The following SDK1 variants were observed in gnomAD, a reference collection of about 807,000 sequenced individuals.
The protein encoded by SDK1 is protein sidekick-1.
A neutral mutation model predicts 245.5 loss-of-function variants in SDK1; 157 were observed. That is an observed-to-expected ratio of 0.64 (90% CI 0.56 to 0.73). SDK1 has a LOEUF of 0.73. SDK1 is among the 30% of genes least tolerant of loss of function. The pLI is 0.00. For synonymous variants in SDK1, 1,647 were observed against 1,278.5 expected (o/e 1.29, Z -6.15); for missense variants, 3,583 against 3,002.3 (o/e 1.19, Z -4.52).
At chr7:3,717,350 G>T (rs1221378730) in intron 4 of SDK1, among the ~76,000 whole-genome samples, 1 of 152,102 alleles carries the variant, frequency 6.6e-6, no homozygotes, top group Non-Finnish European at 1.5e-5. Flanking sequence ...ATGTGTCAAA[G>T]AAAGTATCTT....
Position 4,210,089 on chromosome 7 carries a change from G to C in SDK1, c.5466G>C (p.Trp1822Cys). 1 of 1,610,712 alleles carries C rather than the reference G, an allele frequency of 6.2e-7. No homozygotes were observed. Among genetic ancestry groups the C allele is most frequent in the Non-Finnish European group, 8.5e-7 (1 of 1,178,736 alleles). Residue 1822 changes from tryptophan (W) to cysteine (C), a missense_variant, in exon 38 of 45, where the codon TGG becomes TGC. Transcript: ENST00000404826. ...EITSTTLNVS[W>C]GEPAAANGIL... is the part of the protein sequence containing the mutation. ...CCTCCACCACGCTCAACGTGTCCTG[G>C]GGCGAGCCTGCGGCGGCCAACGGCA... is the stretch of plus-strand genomic sequence containing the variant.
chr7:3,595,564 C>T (rs1323548044), intron 1 of SDK1, among the ~76,000 whole-genome samples: 3 of 151,890 alleles, frequency 2.0e-5, no homozygotes, highest in Non-Finnish European at 4.4e-5. Flanking sequence ...AGTTATAATT[C>T]TATTCATTTT....
At chr7:3,531,042 T>C (rs1012029823) in intron 1 of SDK1, among the ~76,000 whole-genome samples, 22 of 152,338 alleles carry the variant, frequency 1.4e-4, no homozygotes, top group African/African-American at 5.3e-4. Flanking sequence ...TCACTATAAC[T>C]CTGCTTCATA....
At chr7:4,113,559 A>G (rs1584178716) in intron 24 of SDK1, 120 bp downstream of exon 24, 1 of 1,072,308 alleles carries the variant, frequency 9.3e-7, no homozygotes, top group East Asian at 2.5e-5. Flanking sequence ...AACTAATCTC[A>G]TCGTCAAACC....
At chr7:4,260,163 T>G (rs1234717706) in intron 44 of SDK1, among the ~76,000 whole-genome samples, 1 of 146,390 alleles carries the variant, frequency 6.8e-6, no homozygotes, top group Non-Finnish European at 1.5e-5. Flanking sequence ...TCTGTGTGTG[T>G]GGGAAGATGT....
intron 4 of SDK1, among the ~76,000 whole-genome samples, chr7:3,650,582 T>C (rs1583271435): frequency 6.6e-6 from 1 of 152,330 alleles, no homozygotes; most frequent in African/African-American, 2.4e-5. Flanking sequence ...AGTGTTGAGA[T>C]CTTGTTAAAC....
chr7:4,245,926 A>G (rs1329529255), intron 44 of SDK1, 121 bp downstream of exon 44: 1 of 1,186,684 alleles, frequency 8.4e-7, no homozygotes, highest in Admixed American at 2.2e-5. Context: ...AGGCAGAGCC[A>G]AGGACAAAGG....
chr7:3,720,358 T>C (rs1227690885), intron 4 of SDK1, among the ~76,000 whole-genome samples: 1 of 152,114 alleles, frequency 6.6e-6, no homozygotes, highest in Non-Finnish European at 1.5e-5. Context: ...CTAGAATATA[T>C]TGAATATATA....
At chr7:4,134,456 A>C (rs1030070593) in intron 28 of SDK1, among the ~76,000 whole-genome samples, 2 of 152,212 alleles carry the variant, frequency 1.3e-5, no homozygotes, top group Non-Finnish European at 2.9e-5. Flanking sequence ...GGAGATTTGC[A>C]GGAGCCCCAC....
chr7:4,147,250 A>T (rs999816988), intron 29 of SDK1, among the ~76,000 whole-genome samples: 2 of 152,162 alleles, frequency 1.3e-5, no homozygotes, highest in Middle Eastern at 3.2e-3. Context: ...ATGTGATCAT[A>T]GGTCACCGCA....
chr7:3,510,697 C>T (rs759417154), intron 1 of SDK1, among the ~76,000 whole-genome samples: 1 of 152,032 alleles, frequency 6.6e-6, no homozygotes, highest in African/African-American at 2.4e-5. Context: ...CAGATGAAAC[C>T]TCAGAGATAG....
intron 4 of SDK1, among the ~76,000 whole-genome samples, chr7:3,729,040 G>A (rs1378755630): frequency 1.3e-5 from 2 of 152,160 alleles, no homozygotes; most frequent in Non-Finnish European, 2.9e-5. Flanking sequence ...TTGCGATTAG[G>A]TGCTGATTGT....
chr7:3,918,179 C>T (rs897666725), intron 5 of SDK1, among the ~76,000 whole-genome samples: 1 of 152,176 alleles, frequency 6.6e-6, no homozygotes, highest in African/African-American at 2.4e-5. Flanking sequence ...CGTGTCTTCC[C>T]TCTCAACACC....
chr7:3,622,514 C>G (rs73039628), intron 2 of SDK1, among the ~76,000 whole-genome samples: 6,537 of 152,182 alleles, frequency 0.043, 237 homozygotes, highest in Non-Finnish European at 0.057. Context: ...GGTGTAACGG[C>G]TTTATTTTAA....
intron 1 of SDK1, among the ~76,000 whole-genome samples, chr7:3,533,430 C>T (rs1273277533): frequency 6.6e-6 from 1 of 152,178 alleles, no homozygotes; most frequent in African/African-American, 2.4e-5. Flanking sequence ...TTTTATTATT[C>T]TGATAGTGCC....
intron 36 of SDK1, among the ~76,000 whole-genome samples, chr7:4,207,349 A>G (rs933295301): frequency 4.6e-5 from 7 of 152,188 alleles, no homozygotes; most frequent in African/African-American, 1.7e-4. Flanking sequence ...CCTGGCTGGC[A>G]CTGGTCGGAG....
intron 4 of SDK1, among the ~76,000 whole-genome samples, chr7:3,798,564 C>G (rs1223929730): frequency 6.6e-6 from 1 of 152,070 alleles, no homozygotes; most frequent in Non-Finnish European, 1.5e-5. Context: ...TTTAAAACGT[C>G]CCTCGATTTG....
chr7:3,946,377 A>G (rs797008541), intron 5 of SDK1, among the ~76,000 whole-genome samples: 10 of 152,166 alleles, frequency 6.6e-5, no homozygotes, highest in African/African-American at 2.4e-4. Context: ...ATGGGGTTTC[A>G]CTATGTTGCC....
At chr7:3,563,602 A>G (rs1779816668) in intron 1 of SDK1, among the ~76,000 whole-genome samples, 1 of 152,234 alleles carries the variant, frequency 6.6e-6, no homozygotes, top group African/African-American at 2.4e-5. Context: ...CAACAGTTGT[A>G]GCTGAAATTT....
Sources: allele counts gnomAD v4.1 joint callset (sites outside exome capture counted in the v4.1 genomes callset), GRCh38; gene constraint gnomAD v4.1.1; transcripts MANE v1.5; gene names NCBI Gene and HGNC (gene_info 2026-07-23, HGNC 2026-07-21).